The following ZFYVE19 variants were observed in gnomAD, a reference collection of about 807,000 sequenced individuals.
ZFYVE19 encodes abscission/NoCut checkpoint regulator.
In ZFYVE19, 49 loss-of-function variants were observed where a neutral mutation model predicts 62.8. The ratio of observed to expected loss-of-function variants is 0.78; its 90% CI spans 0.62 to 0.99. The LOEUF (loss-of-function observed/expected upper bound fraction) is 0.99. ZFYVE19 is among the 50% of genes least tolerant of loss of function. The pLI is 0.00. For synonymous variants in ZFYVE19, 242 were observed against 234.3 expected (o/e 1.03, Z -0.30); for missense variants, 630 against 601.9 (o/e 1.05, Z -0.49).
intron 5 of ZFYVE19, 90 bp from the exon 6 acceptor site, chr15:40,810,559 T>C: frequency 6.6e-7 from 1 of 1,510,246 alleles, no homozygotes; most frequent in South Asian, 1.3e-5. Flanking sequence ...CTCCTTTCCC[T>C]GGGCTTTGAG....
chr15:40,807,909 G>C (rs1368543627), intron 1 of ZFYVE19, 41 bp downstream of exon 1: 2 of 1,554,470 alleles, frequency 1.3e-6, no homozygotes, highest in African/African-American at 1.4e-5. Context: ...CCAGGGAGGA[G>C]AGGAGGGAAA....
At chr15:40,810,496 C>T (rs1318549692) in intron 5 of ZFYVE19, among the ~76,000 whole-genome samples, 153 bp from the exon 6 acceptor site, 2 of 152,182 alleles carry the variant, frequency 1.3e-5, no homozygotes, top group Non-Finnish European at 2.9e-5. Flanking sequence ...AGTGGCCCCT[C>T]AGTCCTGTTG....
In ZFYVE19 at chr15:40,807,684, C is replaced by T; in HGVS notation, c.95C>T (p.Thr32Ile). 6.2e-7 allele frequency: 1 copy of T among 1,609,066 alleles called. No individual in the cohort carries two copies. The highest frequency in any genetic ancestry group is 8.5e-7 in the Non-Finnish European group (1 of 1,178,564). ...TTCCCTGCTCTAGGTCGCGGCGGGA[C>T]AGTGCCAGTGGGCGTGTGGGGCGGG... ...SGFPALGRGG[T>I]VPVGVWGGAG... is the part of the protein sequence containing the mutation. The change falls in exon 1 of 11, where the codon ACA (threonine) becomes ATA (isoleucine). Residue 32 changes from threonine to isoleucine, a missense_variant. By Grantham distance (89) the Thr-to-Ile change is moderately conservative (BLOSUM62 -1). Coordinates refer to ENST00000355341, the MANE Select transcript of ZFYVE19 (RefSeq NM_001077268.2).
At chr15:40,813,616 G>A in intron 8 of ZFYVE19, 97 bp from the exon 9 acceptor site, 1 of 1,263,382 alleles carries the variant, frequency 7.9e-7, no homozygotes, top group Non-Finnish European at 1.1e-6. Context: ...AGAAAAAGAT[G>A]AGTTTGAGAA....
rs1487519013 is a variant in ZFYVE19 at position 40,807,301 on chromosome 15, G to C, written c.-289G>C. On this transcript the variant is annotated 5_prime_UTR_variant, in exon 1 of 11. Transcript: ENST00000355341. ...ACCTGGAGAGCGGATGCCAGCAGTGGCCGAGGCGCTAGGACAGGAAGGACC... is the reference window on the plus strand; with the variant it reads ...ACCTGGAGAGCGGATGCCAGCAGTGCCCGAGGCGCTAGGACAGGAAGGACC... 2 of 1,613,332 alleles carry C rather than the reference G, an allele frequency of 1.2e-6. No individual in the cohort carries two copies. Among genetic ancestry groups the C allele is most frequent in the Non-Finnish European group, 1.7e-6 (2 of 1,179,708 alleles).
chr15:40,807,756 G>C lies in ZFYVE19; in HGVS notation c.167G>C (p.Gly56Ala). 1 of 1,588,950 alleles carries C rather than the reference G, an allele frequency of 6.3e-7. No individual in the cohort carries two copies. The highest frequency in any genetic ancestry group is 1.3e-5 in the African/African-American group (1 of 74,794). The stretch of plus-strand genomic sequence containing the variant: ...CGGAGCTGGGGTGAGGGTCCAAGGG[G>C]CCCAGGACTTGGCCGGCGTGATCTC... ...EGRSWGEGPR[G>A]PGLGRRDLSS... The change falls in exon 1 of 11, where the codon GGC becomes GCC. Residue 56 changes from glycine to alanine, a missense_variant. Transcript: ENST00000355341.
chr15:40,810,285 G>C, intron 5 of ZFYVE19, 69 bp downstream of exon 5: 1 of 1,565,286 alleles, frequency 6.4e-7, no homozygotes, highest in South Asian at 1.2e-5. Flanking sequence ...CCAGATACAG[G>C]TATTGGGGTG....
Position 40,807,213 on chromosome 15 carries a change from T to G in ZFYVE19, c.-377T>G, listed in dbSNP as rs1310087451. ...AGGCCCTCGGACCGTCCAGGAAATG[T>G]CTGGGAGCCCGCCTGCGGAGGGCAT... On this transcript the variant is annotated 5_prime_UTR_variant, in exon 1 of 11. Coordinates refer to ENST00000355341, the MANE Select transcript of ZFYVE19 (RefSeq NM_001077268.2). 4 of 1,520,856 alleles carry G rather than the reference T, an allele frequency of 2.6e-6. No individual in the cohort carries two copies. Among genetic ancestry groups the G allele is most frequent in the Admixed American group, 2.0e-5 (1 of 49,064 alleles). The allele number at this position is 1,520,856 out of a possible 1,614,324, so 94.2% of individuals were successfully genotyped here.
rs773264453 is a variant in ZFYVE19, at chr15:40,807,341, G to A, written c.-249G>A. On this transcript the variant is annotated 5_prime_UTR_variant, in exon 1 of 11. Transcript: ENST00000355341. ...CAGGAAGGACCGCCAGACCTCTCAA[G>A]ATCAGCCTTCCTCGCCACCGTTCTC... The A allele has an allele frequency of 1.9e-6, 3 of 1,614,264 alleles. No individual in the cohort carries two copies. Among genetic ancestry groups the A allele is most frequent in the East Asian group, 4.5e-5 (2 of 44,894 alleles).
chr15:40,813,454 G>T (rs201369831), intron 8 of ZFYVE19, 37 bp downstream of exon 8: 1 of 1,559,716 alleles, frequency 6.4e-7, no homozygotes, highest in East Asian at 2.4e-5. Context: ...CCCTTGTCCC[G>T]TCTCCGCCTC....
rs1410588950 is a variant in ZFYVE19, at chr15:40,814,563, C to G, written c.*337C>G. 1 of 358,588 alleles carries G rather than the reference C, an allele frequency of 2.8e-6. No individual in the cohort carries two copies. Among genetic ancestry groups the G allele is most frequent in the Non-Finnish European group, 5.3e-6 (1 of 188,578 alleles). The allele number at this position is 358,588 out of a possible 1,614,324, so 22.2% of individuals were successfully genotyped here. ...GTGGGTCTAATAAAGTATGTTGATT[C>G]ATTGGGCCCAGCATCTCATTTCTAC... On this transcript the variant is annotated 3_prime_UTR_variant, in exon 11 of 11. Coordinates refer to ENST00000355341, the MANE Select transcript of ZFYVE19 (RefSeq NM_001077268.2).
In ZFYVE19 at chr15:40,807,161, G is replaced by T; in HGVS notation, c.-429G>T. 1 of 1,277,364 alleles carries T rather than the reference G, an allele frequency of 7.8e-7. No homozygotes were observed. Among genetic ancestry groups the T allele is most frequent in the Non-Finnish European group, 1.1e-6 (1 of 950,982 alleles). The allele number at this position is 1,277,364 out of a possible 1,614,324, so 79.1% of individuals were successfully genotyped here. On this transcript the variant is annotated 5_prime_UTR_variant, in exon 1 of 11. Transcript: ENST00000355341. ...GGAGAGCACAGCCACCCGGCGCGAA[G>T]AGCCCTCTGTACCCCGCTTCCTCTT...
At chr15:40,813,573 G>A in intron 8 of ZFYVE19, 140 bp from the exon 9 acceptor site, 1 of 1,132,812 alleles carries the variant, frequency 8.8e-7, no homozygotes. Flanking sequence ...GGTCCCTGGA[G>A]ATAGGGAATC....
intron 1 of ZFYVE19, chr15:40,808,278 AG>A (rs776133245): frequency 2.5e-6 from 4 of 1,597,322 alleles, no homozygotes; most frequent in Admixed American, 1.7e-5. Context: ...AGGTCGCTGG[AG>A]TTAGATTACC....
At chr15:40,810,582 T>C in intron 5 of ZFYVE19, 67 bp from the exon 6 acceptor site, 1 of 1,541,854 alleles carries the variant, frequency 6.5e-7, no homozygotes. Context: ...CTACTTAGCA[T>C]CCATCCCTGA....
In ZFYVE19 at chr15:40,812,822, G is replaced by A. The variant is rs749054111; in HGVS notation, c.950G>A (p.Arg317Gln). ...RLLAEAALEL[R>Q]EENTRQERIL... Reference sequence around the variant, plus strand: ...CTGGCTGAGGCAGCACTTGAGTTGCGGGAGGAGAACACGAGGCAGGAACGG... The same window carrying A: ...CTGGCTGAGGCAGCACTTGAGTTGCAGGAGGAGAACACGAGGCAGGAACGG... Residue 317 changes from arginine to glutamine, a missense_variant, in exon 7 of 11, where the codon CGG (arginine) becomes CAG (glutamine). By Grantham distance (43) the Arg-to-Gln change is conservative (BLOSUM62 1). Coordinates refer to ENST00000355341, the MANE Select transcript of ZFYVE19 (RefSeq NM_001077268.2). The A allele has an allele frequency of 7.4e-6, 12 of 1,613,756 alleles. No individual in the cohort carries two copies. Among genetic ancestry groups the A allele is most frequent in the Middle Eastern group, 1.7e-4 (1 of 6,058 alleles).
At chr15:40,808,601 G>A (rs1016817645) in intron 1 of ZFYVE19, 4 of 486,242 alleles carry the variant, frequency 8.2e-6, no homozygotes, top group African/African-American at 5.9e-5. Flanking sequence ...GGATAATCAC[G>A]GTTGGCATCA....
intron 6 of ZFYVE19, among the ~76,000 whole-genome samples, chr15:40,812,335 C>T (rs1481333454): frequency 6.6e-6 from 1 of 151,930 alleles, no homozygotes; most frequent in Non-Finnish European, 1.5e-5. Context: ...ATCACGAGGT[C>T]AGGAGTTGGA....
Position 40,812,585 on chromosome 15 carries a change from G to GAA in ZFYVE19, c.827-112_827-111dup, listed in dbSNP as rs1890526375. 1.8e-5 allele frequency: 6 copies of GAA among 335,438 alleles called. No individual in the cohort carries two copies. In the South Asian group the frequency reaches 3.2e-4, roughly 18 times the overall value. 20.8% of individuals were successfully genotyped at this position (335,438 alleles called of 1,614,324 possible). ...AGAAAGAAAGAAAGAAAGAAAGAAA[G>GAA]AAAGAAAAAATTATTAAAGAAAAAG... On this transcript the variant is annotated intron_variant, in intron 6 of 10. Coordinates refer to ENST00000355341, the MANE Select transcript of ZFYVE19 (RefSeq NM_001077268.2).
Sources: allele counts gnomAD v4.1 joint callset (sites outside exome capture counted in the v4.1 genomes callset), GRCh38; gene constraint gnomAD v4.1.1; transcripts MANE v1.5; gene names NCBI Gene and HGNC (gene_info 2026-07-23, HGNC 2026-07-21).